Variants in KRT15 observed in about 807,000 individuals in gnomAD.
The protein encoded by KRT15 is keratin, type I cytoskeletal 15.
KRT15 carries 45 observed loss-of-function variants against 46.6 expected under a neutral mutation model. The observed-to-expected ratio is 0.97, with a 90% confidence interval of 0.76 to 1.24. The LOEUF is 1.24. Ranked by LOEUF, KRT15 falls within the 50% of genes most tolerant of loss-of-function variation. The pLI is 0.00. For missense variants in KRT15, 592 were observed against 588.9 expected (o/e 1.01, Z -0.05); for synonymous variants, 221 against 233.8 (o/e 0.95, Z 0.50).
chr17:41,516,225 T>C lies in KRT15; in HGVS notation c.779A>G (p.Asn260Ser), dbSNP rs1223632137. ...ACCCGGTGCTGCGTCCATCTCCACA[T>C]TGACCTGGCCGGCCAGCTGGCTGCT... Reference protein sequence around the residue: ...EFSSQLAGQVNVEMDAAPGVD... With the variant: ...EFSSQLAGQVSVEMDAAPGVD... Residue 260 changes from asparagine to serine, a missense_variant, in exon 4 of 8, where the codon AAT becomes AGT. Physicochemically the swap from Asn to Ser is conservative, Grantham distance 46. Coordinates refer to ENST00000254043, the MANE Select transcript of KRT15 (RefSeq NM_002275.4). 1.2e-6 allele frequency: 2 copies of C among 1,614,060 alleles called. No homozygotes were observed. The highest frequency in any genetic ancestry group is 8.5e-7 in the Non-Finnish European group (1 of 1,180,000).
Position 41,517,100 on chromosome 17 carries a change from C to A in KRT15, c.564G>T (p.Ala188=), listed in dbSNP as rs201333481. The change falls in exon 2 of 8, where the codon GCG becomes GCT. Residue 188 remains alanine (A), a synonymous_variant. Coordinates refer to ENST00000254043, the MANE Select transcript of KRT15 (RefSeq NM_002275.4). ...GAGCGCACTTGAGCCTGAAGTCGTC[C>A]GCAGCCAGCCTGGCATTGTCGATCT... ...ILEIDNARLA[A]DDFRLKYENE... is the part of the protein sequence containing the mutation. 1.9e-6 allele frequency: 3 copies of A among 1,614,142 alleles called. No individual in the cohort carries two copies. The South Asian group carries it at 3.3e-5, about 18-fold the overall frequency.
intron 6 of KRT15, 31 bp downstream of exon 6, chr17:41,515,441 A>G: frequency 6.3e-7 from 1 of 1,598,934 alleles, no homozygotes; most frequent in Non-Finnish European, 8.6e-7. Context: ...AGCAGCCCTC[A>G]TCACTCCTTC....
chr17:41,518,453 G>C lies in KRT15; in HGVS notation c.375C>G (p.Ala125=), dbSNP rs567331498. Residue 125 remains alanine (A), a synonymous_variant, in exon 1 of 8, where the codon GCC becomes GCG. Coordinates refer to ENST00000254043, the MANE Select transcript of KRT15 (RefSeq NM_002275.4). ...CCAGGTCAGCATTGGCCTCCTCCAG[G>C]GCACGTACCTTGTCCAGGTAGGAGG... ...RLASYLDKVR[A]LEEANADLEV... is the part of the protein sequence containing the mutation. The C allele has an allele frequency of 1.1e-5, 18 of 1,613,988 alleles. No homozygotes were observed. In the South Asian group the frequency reaches 2.0e-4, roughly 18 times the overall value.
chr17:41,516,297 G>C, intron 3 of KRT15, 32 bp from the exon 4 acceptor site: 1 of 1,591,248 alleles, frequency 6.3e-7, no homozygotes, highest in East Asian at 2.2e-5. Flanking sequence ...CTTAGAGACG[G>C]AGAGCAGAAG....
intron 6 of KRT15, 74 bp downstream of exon 6, chr17:41,515,398 A>G: frequency 7.6e-7 from 1 of 1,320,350 alleles, no homozygotes. Flanking sequence ...ACACCCTGCC[A>G]TTCCCTTAGG....
chr17:41,517,003 C>G, intron 2 of KRT15, 39 bp from the exon 3 acceptor site: 1 of 1,614,174 alleles, frequency 6.2e-7, no homozygotes, highest in Non-Finnish European at 8.5e-7. Context: ...TGGGAGGGGT[C>G]TTGGCTGCCT....
intron 7 of KRT15, 65 bp downstream of exon 7, chr17:41,514,584 G>A (rs754588058): frequency 3.2e-5 from 47 of 1,487,606 alleles, no homozygotes; most frequent in Admixed American, 6.8e-5. Flanking sequence ...TCCCTATTCC[G>A]AAGGGGGTGG....
At chr17:41,515,738 C>A (rs1905327209) in intron 5 of KRT15, 46 bp from the exon 6 acceptor site, 2 of 1,602,006 alleles carry the variant, frequency 1.2e-6, no homozygotes, top group African/African-American at 1.3e-5. Context: ...AGAAAGGAAG[C>A]CACTGAGGGC....
intron 7 of KRT15, 30 bp downstream of exon 7, chr17:41,514,619 C>T: frequency 6.2e-7 from 1 of 1,610,256 alleles, no homozygotes; most frequent in Non-Finnish European, 8.5e-7. Context: ...CCCCTCCCCA[C>T]CCCACACCAG....
At position 41,514,362 on chromosome 17, in the gene KRT15, G is replaced by C. The variant is rs1047958017; in HGVS notation, c.1274-242C>G. 1.2e-5 allele frequency: 7 copies of C among 599,534 alleles called. No homozygotes were observed. In the African/African-American group the frequency reaches 1.3e-4, roughly 11 times the overall value. 37.1% of individuals were successfully genotyped at this position (599,534 alleles called of 1,614,324 possible). On this transcript the variant is annotated intron_variant, in intron 7 of 7. Transcript: ENST00000254043. ...GGGTTTTTCAAGCTGCACATGAAGG[G>C]GGATGAATTGTGGGCATCTTAGCGG...
intron 3 of KRT15, 109 bp downstream of exon 3, chr17:41,516,698 TG>T: frequency 7.7e-7 from 1 of 1,301,186 alleles, no homozygotes; most frequent in Non-Finnish European, 1.1e-6. Context: ...CGTGAAAATC[TG>T]GGAGGGCTTC....
At chr17:41,518,229 G>C in intron 1 of KRT15, 101 bp downstream of exon 1, 1 of 1,354,560 alleles carries the variant, frequency 7.4e-7, no homozygotes, top group Non-Finnish European at 1.0e-6. Flanking sequence ...TCATTGCCTG[G>C]GCAGGAAAGG....
At position 41,513,768 on chromosome 17, in the gene KRT15, C is replaced by A. The variant is rs186612548; in HGVS notation, c.*255G>T. On this transcript the variant is annotated 3_prime_UTR_variant, in exon 8 of 8. Coordinates refer to ENST00000254043, the MANE Select transcript of KRT15 (RefSeq NM_002275.4). ...GATATTTGCAAAAGGAAAAGTAATT[C>A]TTTATTACATGAACAGACACTGTAC... 4.6e-5 allele frequency: 18 copies of A among 394,020 alleles called. No individual in the cohort carries two copies. The highest frequency in any genetic ancestry group is 5.6e-5 in the Non-Finnish European group (12 of 213,094). 24.4% of individuals were successfully genotyped at this position (394,020 alleles called of 1,614,324 possible).
In KRT15 at chr17:41,515,991, T is replaced by C. The variant is rs1289025032; in HGVS notation, c.920A>G (p.Glu307Gly). 6 of 1,614,054 alleles carry C rather than the reference T, an allele frequency of 3.7e-6. No individual in the cohort carries two copies. Among genetic ancestry groups the C allele is most frequent in the Admixed American group, 1.7e-5 (1 of 60,004 alleles). ...FFSKTEELNKEVASNTEMIQT... is the reference protein window; with the variant it reads ...FFSKTEELNKGVASNTEMIQT... ...GATCATTTCTGTGTTGGAGGCCACC[T>C]CTTTGTTCAGCTCCTCAGTCTGTAG... Residue 307 changes from glutamate to glycine, a missense_variant, in exon 5 of 8, where the codon GAG becomes GGG. Transcript: ENST00000254043.
At position 41,513,797 on chromosome 17, in the gene KRT15, T is replaced by G; in HGVS notation, c.*226A>C. On this transcript the variant is annotated 3_prime_UTR_variant, in exon 8 of 8. Transcript: ENST00000254043. ...ATTACATGAACAGACACTGTACAAA[T>G]GAGCTTGTTACACAATACAGCTGCA... is the stretch of plus-strand genomic sequence containing the variant. 3.6e-5 allele frequency: 19 copies of G among 530,474 alleles called. No individual in the cohort carries two copies. The highest frequency in any genetic ancestry group is 1.3e-4 in the East Asian group (4 of 30,448). 32.9% of individuals were successfully genotyped at this position (530,474 alleles called of 1,614,324 possible). A position where few individuals can be genotyped will look rare whatever the true frequency, so the allele number is the denominator to read the frequency against.
Position 41,518,541 on chromosome 17 carries a change from C to T in KRT15, c.287G>A (p.Gly96Asp), listed in dbSNP as rs774413086. Residue 96 changes from glycine to aspartate, a missense_variant, in exon 1 of 8, where the codon GGC (glycine) becomes GAC (aspartate). Coordinates refer to ENST00000254043, the MANE Select transcript of KRT15 (RefSeq NM_002275.4). ...GGGFGGGFGGGDGGLLSGNEK... is the reference protein window; with the variant it reads ...GGGFGGGFGGDDGGLLSGNEK... ...ATTGCCAGAGAGGAGACCACCATCG[C>T]CACCACCAAAGCCACCACCAAAACC... The T allele has an allele frequency of 6.2e-7, 1 of 1,613,994 alleles. No homozygotes were observed. Among genetic ancestry groups the T allele is most frequent in the South Asian group, 1.1e-5 (1 of 91,058 alleles).
intron 3 of KRT15, among the ~76,000 whole-genome samples, 167 bp from the exon 4 acceptor site, chr17:41,516,432 T>G (rs1597774110): frequency 6.6e-6 from 1 of 152,168 alleles, no homozygotes; most frequent in South Asian, 2.1e-4. Flanking sequence ...TAAGGAGTTC[T>G]CTGCTGCTCT....
chr17:41,516,209 T>C lies in KRT15; in HGVS notation c.795A>G (p.Ala265=), dbSNP rs1161621658. 1 of 1,614,160 alleles carries C rather than the reference T, an allele frequency of 6.2e-7. No homozygotes were observed. The highest frequency in any genetic ancestry group is 8.5e-7 in the Non-Finnish European group (1 of 1,180,022). The stretch of plus-strand genomic sequence containing the variant: ...CACGGGTCAGGTCCACACCCGGTGC[T>C]GCGTCCATCTCCACATTGACCTGGC... ...LAGQVNVEMD[A]APGVDLTRVL... is the part of the protein sequence containing the mutation. Residue 265 remains alanine, a synonymous_variant, in exon 4 of 8, where the codon GCA becomes GCG. Coordinates refer to ENST00000254043, the MANE Select transcript of KRT15 (RefSeq NM_002275.4).
chr17:41,517,264 A>G (rs1475992312), intron 1 of KRT15, 99 bp from the exon 2 acceptor site: 1 of 990,656 alleles, frequency 1.0e-6, no homozygotes, highest in African/African-American at 1.6e-5. Context: ...ATCACCCCTC[A>G]CTGACAATCA....
Sources: allele counts gnomAD v4.1 joint callset (sites outside exome capture counted in the v4.1 genomes callset), GRCh38; gene constraint gnomAD v4.1.1; transcripts MANE v1.5; gene names NCBI Gene and HGNC (gene_info 2026-07-23, HGNC 2026-07-21).